The following SLC12A7 variants were observed in gnomAD, a reference collection of about 807,000 sequenced individuals.
The protein encoded by SLC12A7 is solute carrier family 12 member 7.
SLC12A7 carries 100 observed loss-of-function variants against 120.6 expected under a neutral mutation model. That is an observed-to-expected ratio of 0.83 (90% CI 0.71 to 0.98). SLC12A7 has a LOEUF of 0.98. Among genes scored for constraint, SLC12A7 ranks in the 50% least tolerant of loss-of-function variants. The pLI, the probability that SLC12A7 is intolerant of heterozygous loss-of-function variation, is 0.00. For missense variants in SLC12A7, 1,373 were observed against 1,548.1 expected, an observed-to-expected ratio of 0.89 and a Z score of 1.90; for synonymous variants, 760 against 678.0, an observed-to-expected ratio of 1.12 and a Z score of -1.88.
the SLC12A7 span, among the ~76,000 whole-genome samples, chr5:1,117,746 C>T: frequency 2.7e-3 from 405 of 152,322 alleles, 2 homozygotes; most frequent in Admixed American, 5.4e-3. This position sits in a 1 kb window ranked among gnomAD's most constrained non-coding sequence, Gnocchi z 4.5. Flanking sequence ...ACTCCTGGCT[C>T]ACTGGCTTCC....
the SLC12A7 span, among the ~76,000 whole-genome samples, chr5:1,150,574 A>G: frequency 2.0e-5 from 3 of 152,262 alleles, no homozygotes; most frequent in African/African-American, 7.2e-5. Context: ...CTCCAGTGGA[A>G]AAAGAAGCCA....
intron 18 of SLC12A7, 22 bp downstream of exon 18, chr5:1,065,261 A>C: frequency 6.5e-7 from 1 of 1,533,592 alleles, no homozygotes; most frequent in South Asian, 1.3e-5. Context: ...GGGGATGCCG[A>C]AGGGCCGCCA....
At chr5:1,136,653 G>A in the SLC12A7 span, among the ~76,000 whole-genome samples, 8 of 108,828 alleles carry the variant, frequency 7.4e-5, no homozygotes, top group East Asian at 3.6e-4. Flanking sequence ...AGGCACACAT[G>A]TGCTCAGACA....
At chr5:1,085,550 C>G in intron 6 of SLC12A7, 77 bp from the exon 7 acceptor site, 1 of 1,488,120 alleles carries the variant, frequency 6.7e-7, no homozygotes. Flanking sequence ...AAGCCCCCAG[C>G]GCCACACAGG....
chr5:1,135,191 G>A, the SLC12A7 span, among the ~76,000 whole-genome samples: 3 of 152,204 alleles, frequency 2.0e-5, no homozygotes, highest in Non-Finnish European at 4.4e-5. Context: ...ATGAGTAGAT[G>A]GAAAATGAAA....
Position 1,076,684 on chromosome 5 carries a change from G to T in SLC12A7, c.1748+10C>A, listed in dbSNP as rs775742912. On this transcript the variant is annotated intron_variant, in intron 13 of 23. Coordinates refer to ENST00000264930, the MANE Select transcript of SLC12A7 (RefSeq NM_006598.3). The stretch of plus-strand genomic sequence containing the variant: ...ACCCATCCCCAGGTCCCCGTCCTGT[G>T]GGGGCTCACATGGAGAGGATCGGGG... The T allele has an allele frequency of 6.3e-7, 1 of 1,599,836 alleles. No homozygotes were observed. The highest frequency in any genetic ancestry group is 8.5e-7 in the Non-Finnish European group (1 of 1,170,650).
the SLC12A7 span, among the ~76,000 whole-genome samples, chr5:1,150,918 C>T: frequency 6.6e-6 from 1 of 152,270 alleles, no homozygotes; most frequent in South Asian, 2.1e-4. Flanking sequence ...GTCTGATTTT[C>T]CCAACAAGGA....
the SLC12A7 span, among the ~76,000 whole-genome samples, chr5:1,142,315 C>CCCTCTCCCCTCTCT: frequency 9.2e-6 from 1 of 109,218 alleles, no homozygotes. Flanking sequence ...CTCCCGTCTC[C>CCCTCTCCCCTCTCT]CCTCTCCCCT....
chr5:1,150,756 G>T, the SLC12A7 span, among the ~76,000 whole-genome samples: 1 of 152,234 alleles, frequency 6.6e-6, no homozygotes, highest in African/African-American at 2.4e-5. Flanking sequence ...GAACACGACG[G>T]CCGAGCTCCA....
upstream of SLC12A7, among the ~76,000 whole-genome samples, chr5:1,113,861 C>A (rs1246680148): frequency 1.3e-5 from 2 of 152,180 alleles, no homozygotes; most frequent in African/African-American, 4.8e-5. Context: ...TACATTCAAC[C>A]CTGGTTGCCA....
chr5:1,106,983 C>T (rs1330355943), intron 1 of SLC12A7, among the ~76,000 whole-genome samples: 3 of 152,194 alleles, frequency 2.0e-5, no homozygotes, highest in African/African-American at 4.8e-5. Context: ...CTCACTGCTT[C>T]GCCCACCCTG....
chr5:1,123,392 G>A, the SLC12A7 span, among the ~76,000 whole-genome samples: 6 of 152,160 alleles, frequency 3.9e-5, no homozygotes, highest in Admixed American at 1.3e-4. Flanking sequence ...GCACCTGCAA[G>A]CACAGCCCTG....
At chr5:1,144,402 C>G in the SLC12A7 span, among the ~76,000 whole-genome samples, 1 of 152,240 alleles carries the variant, frequency 6.6e-6, no homozygotes, top group South Asian at 2.1e-4. Context: ...GGTTTTCACT[C>G]CAGCTTTAAA....
At position 1,051,644 on chromosome 5, in the gene SLC12A7, C is replaced by T. The variant is rs1418099741; in HGVS notation, c.*716G>A. On this transcript the variant is annotated 3_prime_UTR_variant, in exon 24 of 24. Transcript: ENST00000264930. ...CACAGCTGGGGGCCCCTTCCCGGAG[C>T]GTAGGCCCTGATGAACTGAACGTGT... is the stretch of plus-strand genomic sequence containing the variant. The T allele has an allele frequency of 6.6e-6, 1 of 152,292 alleles. No homozygotes were observed. The allele number at this position is 152,292 out of a possible 1,614,324, so 9.4% of individuals were successfully genotyped here. A position where few individuals can be genotyped will look rare whatever the true frequency, so the allele number is the denominator to read the frequency against.
intron 1 of SLC12A7, among the ~76,000 whole-genome samples, chr5:1,110,217 C>G (rs1742891955): frequency 6.6e-6 from 1 of 152,260 alleles, no homozygotes; most frequent in African/African-American, 2.4e-5. Flanking sequence ...TGCAAGTTCT[C>G]TGCCAGTTCG....
chr5:1,100,104 G>A (rs1461121243), intron 1 of SLC12A7, among the ~76,000 whole-genome samples: 1 of 152,218 alleles, frequency 6.6e-6, no homozygotes, highest in Non-Finnish European at 1.5e-5. Flanking sequence ...CGCCTCGGAA[G>A]AGAAGAGCGA....
At chr5:1,096,551 T>C (rs963918257) in intron 1 of SLC12A7, among the ~76,000 whole-genome samples, 2 of 151,516 alleles carry the variant, frequency 1.3e-5, no homozygotes, top group African/African-American at 4.9e-5. Flanking sequence ...AGGCCCTTTT[T>C]CTGGACACAA....
the SLC12A7 span, among the ~76,000 whole-genome samples, chr5:1,152,421 G>A: frequency 1.3e-5 from 2 of 152,196 alleles, no homozygotes; most frequent in African/African-American, 4.8e-5. Flanking sequence ...GAAAGCCCCT[G>A]TCAGACCTGC....
chr5:1,139,003 G>C, the SLC12A7 span, among the ~76,000 whole-genome samples: 2 of 152,228 alleles, frequency 1.3e-5, no homozygotes, highest in Non-Finnish European at 2.9e-5. Flanking sequence ...CCTCTGAAAG[G>C]AGAGCAAGCT....
Sources: allele counts gnomAD v4.1 joint callset (sites outside exome capture counted in the v4.1 genomes callset), GRCh38; gene constraint gnomAD v4.1.1; non-coding constraint Gnocchi (gnomAD v3.1); transcripts MANE v1.5; gene names NCBI Gene and HGNC (gene_info 2026-07-23, HGNC 2026-07-21).